The following CORO1C variants were observed in gnomAD, a reference collection of about 807,000 sequenced individuals.
CORO1C encodes coronin 1C, also known as coronin-1C.
In CORO1C, 14 loss-of-function variants were observed where a neutral mutation model predicts 51.2. That is an observed-to-expected ratio of 0.27 (90% CI 0.18 to 0.43). CORO1C has a LOEUF of 0.43. Among genes scored for constraint, CORO1C ranks in the 20% least tolerant of loss-of-function variants. The pLI is 1.00. For missense variants in CORO1C, 417 were observed against 607.8 expected (o/e 0.69, Z 3.30); for synonymous variants, 181 against 210.5 (o/e 0.86, Z 1.21).
chr12:108,709,749 A>G (rs780723972), intron 1 of CORO1C, among the ~76,000 whole-genome samples: 1 of 152,224 alleles, frequency 6.6e-6, no homozygotes, highest in Non-Finnish European at 1.5e-5. Flanking sequence ...AAATGAAAAA[A>G]TCCTGAACTA....
chr12:108,685,830 A>C (rs1169140170), intron 2 of CORO1C, among the ~76,000 whole-genome samples: 1 of 152,202 alleles, frequency 6.6e-6, no homozygotes, highest in African/African-American at 2.4e-5. Flanking sequence ...AAATGTGAAG[A>C]CAGTATGGGG....
chr12:108,727,387 C>A (rs2136893436), intron 1 of CORO1C, among the ~76,000 whole-genome samples: 1 of 152,316 alleles, frequency 6.6e-6, no homozygotes, highest in South Asian at 2.1e-4. Flanking sequence ...GTAATAAATT[C>A]ATCACAAGAT....
At chr12:108,652,598 C>T (rs1048184698) in intron 7 of CORO1C, among the ~76,000 whole-genome samples, 181 bp from the exon 8 acceptor site, 3 of 152,210 alleles carry the variant, frequency 2.0e-5, no homozygotes, top group African/African-American at 7.2e-5. Context: ...CACAAAGTAA[C>T]CCCTTACTTA....
intron 1 of CORO1C, among the ~76,000 whole-genome samples, chr12:108,722,269 C>G (rs2035490782): frequency 6.6e-6 from 1 of 152,176 alleles, no homozygotes; most frequent in South Asian, 2.1e-4. Context: ...CAGCGGTAGT[C>G]TAGCAGGGAA....
intron 1 of CORO1C, chr12:108,702,762 G>A: frequency 1.4e-6 from 2 of 1,481,118 alleles, no homozygotes; most frequent in Non-Finnish European, 1.8e-6. Context: ...GCTAAATGCA[G>A]AGAGACGAAT....
intron 2 of CORO1C, among the ~76,000 whole-genome samples, chr12:108,699,911 A>G (rs2034811800): frequency 6.6e-6 from 1 of 152,218 alleles, no homozygotes; most frequent in Admixed American, 6.5e-5. Flanking sequence ...CTACTGTGTT[A>G]TCTATCTGGC....
At chr12:108,693,776 T>C (rs2034575450) in intron 2 of CORO1C, among the ~76,000 whole-genome samples, 2 of 152,196 alleles carry the variant, frequency 1.3e-5, no homozygotes, top group Non-Finnish European at 1.5e-5. Context: ...AGAGCCCCTC[T>C]ACTAACTTAA....
intron 6 of CORO1C, 138 bp from the exon 7 acceptor site, chr12:108,654,548 CACAT>C (rs1437761019): frequency 5.7e-6 from 3 of 526,976 alleles, no homozygotes; most frequent in Admixed American, 3.2e-5. Flanking sequence ...TTGAACTATG[CACAT>C]ACAATACTCA....
chr12:108,698,864 T>C (rs80094928), intron 2 of CORO1C, among the ~76,000 whole-genome samples: 1,879 of 152,322 alleles, frequency 0.012, 30 homozygotes, highest in African/African-American at 0.042. Context: ...CTTCCCTCTA[T>C]GCCACATTGA....
intron 7 of CORO1C, among the ~76,000 whole-genome samples, chr12:108,653,640 C>T (rs1002007646): frequency 4.6e-5 from 7 of 152,188 alleles, no homozygotes; most frequent in African/African-American, 1.4e-4. Flanking sequence ...TACCCACAGT[C>T]TAGGTATGCT....
chr12:108,664,990 A>G (rs994856376), intron 3 of CORO1C, among the ~76,000 whole-genome samples: 39 of 152,188 alleles, frequency 2.6e-4, no homozygotes, highest in African/African-American at 9.4e-4. Flanking sequence ...ACCACCTTCA[A>G]TCTCCAGATG....
intron 1 of CORO1C, among the ~76,000 whole-genome samples, chr12:108,729,891 G>C (rs1000248410): frequency 1.3e-5 from 2 of 152,096 alleles, no homozygotes; most frequent in African/African-American, 2.4e-5. Flanking sequence ...ATTCCAGCAG[G>C]CCCTGGTGTC....
Sources: allele counts gnomAD v4.1 joint callset (sites outside exome capture counted in the v4.1 genomes callset), GRCh38; gene constraint gnomAD v4.1.1; transcripts MANE v1.5; gene names NCBI Gene and HGNC (gene_info 2026-07-23, HGNC 2026-07-21).